Variants in TBC1D19 observed in about 807,000 individuals in gnomAD.
TBC1D19 encodes TBC1 domain family, member 19.
In TBC1D19, 60 loss-of-function variants were observed where a neutral mutation model predicts 89.0. That is an observed-to-expected ratio of 0.67 (90% CI 0.55 to 0.84). The LOEUF (loss-of-function observed/expected upper bound fraction) is 0.84, where lower values mean the gene tolerates loss of function less well. Ranked by LOEUF, TBC1D19 falls within the 40% of genes least tolerant of loss-of-function variation. The pLI is 0.00. For synonymous variants in TBC1D19, 189 were observed against 199.7 expected, an observed-to-expected ratio of 0.95 and a Z score of 0.45; for missense variants, 500 against 610.8, an observed-to-expected ratio of 0.82 and a Z score of 1.91.
chr4:26,582,446 T>G (rs1012491337), upstream of TBC1D19, among the ~76,000 whole-genome samples: 1 of 152,190 alleles, frequency 6.6e-6, no homozygotes, highest in African/African-American at 2.4e-5. Flanking sequence ...TCTACTAATC[T>G]TTTCAGCTGA....
chr4:26,744,795 T>C (rs1294378393), intron 18 of TBC1D19, among the ~76,000 whole-genome samples: 2 of 152,136 alleles, frequency 1.3e-5, no homozygotes, highest in African/African-American at 4.8e-5. Flanking sequence ...CAGAACATGA[T>C]CTGTCTTGGT....
chr4:26,726,655 T>C (rs1717339492), intron 15 of TBC1D19, among the ~76,000 whole-genome samples: 1 of 152,170 alleles, frequency 6.6e-6, no homozygotes, highest in Non-Finnish European at 1.5e-5. Flanking sequence ...GTAGGCTACA[T>C]ATGGAATGAG....
Position 26,688,475 on chromosome 4 carries a change from A to G in TBC1D19, c.954+68A>G, listed in dbSNP as rs545423992. 2.7e-5 allele frequency: 37 copies of G among 1,381,080 alleles called. No individual in the cohort carries two copies. In the African/African-American group the frequency reaches 4.5e-4, roughly 17 times the overall value. 85.6% of individuals were successfully genotyped at this position (1,381,080 alleles called of 1,614,324 possible). A position where few individuals can be genotyped will look rare whatever the true frequency, so the allele number is the denominator to read the frequency against. On this transcript the variant is annotated intron_variant, in intron 13 of 20. Coordinates refer to ENST00000264866, the MANE Select transcript of TBC1D19 (RefSeq NM_018317.4). ...TCTCTATATCATGATACTTTAGGAG[A>G]TATCTCTGCTGTTGACTAAATCTTT...
the TBC1D19 span, among the ~76,000 whole-genome samples, chr4:26,842,006 G>T: frequency 3.3e-5 from 5 of 152,200 alleles, no homozygotes; most frequent in Admixed American, 6.5e-5. Flanking sequence ...GAGAGAGAAA[G>T]AGAGATCTTG....
At chr4:26,848,701 T>C in the TBC1D19 span, among the ~76,000 whole-genome samples, 2 of 152,238 alleles carry the variant, frequency 1.3e-5, no homozygotes, top group East Asian at 3.9e-4. Context: ...GTTACTTCTT[T>C]CTACACTTTA....
chr4:26,659,894 TG>T (rs1291432559), intron 8 of TBC1D19, among the ~76,000 whole-genome samples, 187 bp downstream of exon 8: 1 of 152,218 alleles, frequency 6.6e-6, no homozygotes, highest in Admixed American at 6.5e-5. Context: ...GAACTAAAAA[TG>T]AGTTCACATT....
intron 18 of TBC1D19, among the ~76,000 whole-genome samples, chr4:26,745,374 T>G (rs1427097080): frequency 6.6e-6 from 1 of 151,880 alleles, no homozygotes; most frequent in East Asian, 1.9e-4. Context: ...TCTTTATTCC[T>G]TTTTTCTCAT....
chr4:26,742,154 A>C (rs140321727), intron 17 of TBC1D19, among the ~76,000 whole-genome samples: 1 of 152,158 alleles, frequency 6.6e-6, no homozygotes, highest in Non-Finnish European at 1.5e-5. Flanking sequence ...GATAAAAACT[A>C]ATTTTGCTGG....
At chr4:26,671,488 C>T (rs1712298077) in intron 9 of TBC1D19, among the ~76,000 whole-genome samples, 3 of 151,728 alleles carry the variant, frequency 2.0e-5, no homozygotes, top group African/African-American at 4.8e-5. Context: ...CTTACATTTT[C>T]GCTCTCTTAA....
chr4:26,851,304 C>CCTATCTATCTATCTATCTATCTGTCTGT, the TBC1D19 span, among the ~76,000 whole-genome samples: 1 of 146,974 alleles, frequency 6.8e-6, no homozygotes, highest in African/African-American at 2.5e-5. Flanking sequence ...TAATAAATAC[C>CCTATCTATCTATCTATCTATCTGTCTGT]CTATCTATCT....
rs74355085 is a variant in TBC1D19 at position 26,715,940 on chromosome 4, C to T, written c.955-1993C>T. Among the ~76,000 whole-genome samples the T allele has an allele frequency of 2.0e-3, 307 of 152,180 alleles. 9 individuals are homozygous for T. The East Asian group carries it at 0.051, about 26-fold the overall frequency. On this transcript the variant is annotated intron_variant, in intron 13 of 20. Transcript: ENST00000264866. ...ACAAGTCTCCTGGAATGCTTTTGCA[C>T]ATATATCCGCATGCTAAGTTTCTCA...
At chr4:26,772,061 G>T in the TBC1D19 span, among the ~76,000 whole-genome samples, 2 of 150,896 alleles carry the variant, frequency 1.3e-5, no homozygotes, top group Non-Finnish European at 2.9e-5. Context: ...TAATATAACT[G>T]CAGGAAATAC....
At chr4:26,841,728 G>C in the TBC1D19 span, among the ~76,000 whole-genome samples, 1 of 152,162 alleles carries the variant, frequency 6.6e-6, no homozygotes, top group East Asian at 1.9e-4. Context: ...CTCTGTGCCT[G>C]TGAGAACCTT....
At chr4:26,615,708 A>G (rs1025336455) in intron 3 of TBC1D19, among the ~76,000 whole-genome samples, 7 of 152,184 alleles carry the variant, frequency 4.6e-5, no homozygotes, top group African/African-American at 1.7e-4. Flanking sequence ...TTGGATTTGA[A>G]TTCTTAAATA....
At chr4:26,735,321 GTCTT>G in intron 15 of TBC1D19, 130 bp from the exon 16 acceptor site, 1 of 653,446 alleles carries the variant, frequency 1.5e-6, no homozygotes. Flanking sequence ...CTATCACTAA[GTCTT>G]TCTGACATTT....
At chr4:26,657,590 G>A (rs192816515) in intron 7 of TBC1D19, among the ~76,000 whole-genome samples, 129 of 152,164 alleles carry the variant, frequency 8.5e-4, no homozygotes, top group African/African-American at 3.0e-3. Flanking sequence ...TAATCCTTTG[G>A]GTATATACCC....
At chr4:26,699,896 G>A (rs912306074) in intron 13 of TBC1D19, among the ~76,000 whole-genome samples, 1 of 151,960 alleles carries the variant, frequency 6.6e-6, no homozygotes, top group South Asian at 2.1e-4. Flanking sequence ...AAAGCATTAG[G>A]AGATATACCT....
At chr4:26,801,190 T>G in the TBC1D19 span, among the ~76,000 whole-genome samples, 255 of 152,262 alleles carry the variant, frequency 1.7e-3, no homozygotes, top group African/African-American at 5.9e-3. Context: ...TAGTGTAAGG[T>G]GTAAGGAAGG....
At chr4:26,804,974 C>T in the TBC1D19 span, among the ~76,000 whole-genome samples, 2 of 152,094 alleles carry the variant, frequency 1.3e-5, no homozygotes, top group African/African-American at 4.8e-5. Context: ...AAGAAATCTC[C>T]GGATGGAAAG....
Sources: gnomAD v4.1 joint callset for allele counts (sites outside exome capture counted in the v4.1 genomes callset) on GRCh38, gnomAD v4.1.1 for gene constraint, MANE v1.5 for transcripts, NCBI Gene and HGNC (gene_info 2026-07-23, HGNC 2026-07-21) for gene names.